RP1: variants seen among roughly 807,000 people sequenced by gnomAD.
RP1 encodes the protein oxygen-regulated protein 1.
A neutral mutation model predicts 14.8 loss-of-function variants in RP1; 16 were observed. The ratio of observed to expected loss-of-function variants is 1.08; its 90% confidence interval spans 0.73 to 1.65. RP1 has a LOEUF of 1.65. Among genes scored for constraint, RP1 ranks in the 40% most tolerant of loss-of-function variants. RP1 has a pLI of 0.00. For synonymous variants in RP1, 876 were observed against 883.6 expected (o/e 0.99, Z 0.15); for missense variants, 2,631 against 2,535.0 (o/e 1.04, Z -0.81).
At chr8:54,562,156 C>G (rs561775627) in intron 1 of RP1, among the ~76,000 whole-genome samples, 1 of 152,176 alleles carries the variant, frequency 6.6e-6, no homozygotes, top group African/African-American at 2.4e-5. Flanking sequence ...TTTGCTATTA[C>G]TCAAATGATA....
At chr8:54,652,413 T>G (rs1038654456) in intron 4 of RP1, among the ~76,000 whole-genome samples, 1 of 152,174 alleles carries the variant, frequency 6.6e-6, no homozygotes, top group African/African-American at 2.4e-5. Flanking sequence ...CTGGAGAACG[T>G]TCCATGTGTA....
chr8:54,848,866 A>G (rs1318027136), intron 25 of RP1, among the ~76,000 whole-genome samples: 3 of 152,056 alleles, frequency 2.0e-5, no homozygotes, highest in Admixed American at 2.0e-4. Context: ...CTCCCACCTC[A>G]GCCTCCCGAG....
intron 6 of RP1, among the ~76,000 whole-genome samples, chr8:54,659,479 C>T (rs758935783): frequency 6.6e-6 from 1 of 152,088 alleles, no homozygotes; most frequent in Non-Finnish European, 1.5e-5. Flanking sequence ...CACCATTTAT[C>T]GACGAGACTG....
chr8:54,638,451 A>G (rs1040235903), intron 3 of RP1, among the ~76,000 whole-genome samples: 1 of 152,166 alleles, frequency 6.6e-6, no homozygotes, highest in Non-Finnish European at 1.5e-5. Context: ...AAAAAAAAAA[A>G]AACATACCGT....
Position 54,626,409 on chromosome 8 carries a change from G to A in RP1, c.2527G>A (p.Ala843Thr), listed in dbSNP as rs1410445704. The change falls in exon 4 of 4, where the codon GCA (alanine) becomes ACA (threonine). Residue 843 changes from alanine (A) to threonine (T), a missense_variant. Transcript: ENST00000220676. ...TGCACCGCAATCTCAAGCAGAAGTG[G>A]CATCTGGGTATTTGAGAGGAATGGC... ...FYAPQSQAEV[A>T]SGYLRGMAKK... 3 of 1,613,316 alleles carry A rather than the reference G, an allele frequency of 1.9e-6. No homozygotes were observed.
chr8:54,737,168 C>T (rs556826911), intron 18 of RP1, among the ~76,000 whole-genome samples: 2 of 152,156 alleles, frequency 1.3e-5, no homozygotes, highest in Non-Finnish European at 2.9e-5. Flanking sequence ...TATCCTTAGA[C>T]AAATGACTTA....
intron 24 of RP1, among the ~76,000 whole-genome samples, chr8:54,809,591 TA>T (rs5891552): frequency 0.78 from 118,762 of 152,146 alleles, 47,114 homozygotes; most frequent in African/African-American, 0.92. Context: ...ATGCTGTACA[TA>T]AAAAAAGACT....
At chr8:54,640,977 T>TTTTA (rs1806442748) in intron 3 of RP1, among the ~76,000 whole-genome samples, 1 of 150,014 alleles carries the variant, frequency 6.7e-6, no homozygotes, top group Admixed American at 6.6e-5. Context: ...TTTTTTTTTT[T>TTTTA]GAGACAGAGT....
intron 27 of RP1, among the ~76,000 whole-genome samples, chr8:54,861,725 C>T (rs1457403191): frequency 6.6e-6 from 1 of 152,130 alleles, no homozygotes; most frequent in Non-Finnish European, 1.5e-5. Context: ...GCCTCAGCCT[C>T]CCGAGTGGCT....
At chr8:54,643,700 ACT>A (rs1210445960) in intron 3 of RP1, among the ~76,000 whole-genome samples, 1 of 151,544 alleles carries the variant, frequency 6.6e-6, no homozygotes, top group Non-Finnish European at 1.5e-5. Flanking sequence ...GTCTCTAAAG[ACT>A]CTAGGGGAAG....
At chr8:54,590,036 C>T (rs1014750108) in intron 1 of RP1, among the ~76,000 whole-genome samples, 3 of 152,160 alleles carry the variant, frequency 2.0e-5, no homozygotes, top group African/African-American at 7.2e-5. Context: ...CATCATCTGC[C>T]TTCCTTCTGC....
At chr8:54,605,638 G>C (rs777627845) in intron 1 of RP1, among the ~76,000 whole-genome samples, 1 of 152,124 alleles carries the variant, frequency 6.6e-6, no homozygotes, top group South Asian at 2.1e-4. Flanking sequence ...TGACAGTGGG[G>C]TGTTAAAGTC....
intron 26 of RP1, among the ~76,000 whole-genome samples, chr8:54,854,220 C>A (rs929737648): frequency 2.0e-5 from 3 of 151,940 alleles, no homozygotes; most frequent in Non-Finnish European, 4.4e-5. Context: ...AGAAGAAAAA[C>A]CAAGTGGAGG....
chr8:54,739,847 A>G (rs890438173), intron 19 of RP1, among the ~76,000 whole-genome samples: 4 of 152,136 alleles, frequency 2.6e-5, no homozygotes, highest in African/African-American at 9.7e-5. Flanking sequence ...AATGGAGCTG[A>G]AAAATTCTTA....
Position 54,592,218 on chromosome 8 carries a change from G to A in RP1, c.-12-28737G>A, listed in dbSNP as rs553901347. ...GGGCAAAGAATGTTTCCTCCTGTAG[G>A]AGCTGAACAAGCTACATAATTTCTT... On this transcript the variant is annotated intron_variant, in intron 1 of 22. Transcript: ENST00000636932. 1.8e-4 allele frequency among the ~76,000 whole-genome samples: 27 copies of A among 152,264 alleles called. 1 individual carries two copies. The South Asian group carries it at 4.8e-3, about 27-fold the overall frequency.
intron 22 of RP1, among the ~76,000 whole-genome samples, chr8:54,765,246 C>T (rs1809733530): frequency 6.6e-6 from 1 of 152,252 alleles, no homozygotes; most frequent in South Asian, 2.1e-4. Context: ...GAAAATCAAA[C>T]ATGAGGCGCA....
chr8:54,674,801 T>C (rs1250556356), intron 8 of RP1, among the ~76,000 whole-genome samples: 1 of 152,170 alleles, frequency 6.6e-6, no homozygotes, highest in African/African-American at 2.4e-5. Flanking sequence ...AATATACTTT[T>C]GAGGTTGTCT....
Position 54,625,674 on chromosome 8 carries a change from T to TA in RP1, c.1793dup (p.Tyr598Ter). 2 of 1,614,124 alleles carry TA rather than the reference T, an allele frequency of 1.2e-6. No individual in the cohort carries two copies. The highest frequency in any genetic ancestry group is 1.7e-6 in the Non-Finnish European group (2 of 1,179,992). The change falls in exon 4 of 4, where the codon TAT becomes TAAT. Residue 598 changes from tyrosine to a stop codon, truncating the protein, a stop_gained and frameshift_variant. Coordinates refer to ENST00000220676, the MANE Select transcript of RP1 (RefSeq NM_006269.2). LOFTEE classifies it low-confidence loss of function (END_TRUNC). Reference protein sequence around the residue: ...NKTGIKNFKTYGNTNDRFSPI... With the variant: ...NKTGIKNFKT ...AACTGGTATCAAGAACTTCAAAACT[T>TA]ATGGTAACACCAATGATAGGTTCAG...
At chr8:54,853,307 C>A (rs990509860) in intron 26 of RP1, among the ~76,000 whole-genome samples, 3 of 152,102 alleles carry the variant, frequency 2.0e-5, no homozygotes, top group African/African-American at 7.2e-5. Context: ...TGCAGCTCGT[C>A]ATTGAGAGCA....
Sources: allele counts gnomAD v4.1 joint callset (sites outside exome capture counted in the v4.1 genomes callset), GRCh38; gene constraint gnomAD v4.1.1; transcripts MANE v1.5; gene names NCBI Gene and HGNC (gene_info 2026-07-23, HGNC 2026-07-21).